Variants in GRID1 observed in about 807,000 individuals in gnomAD.
The protein encoded by GRID1 is glutamate ionotropic receptor delta type subunit 1.
In GRID1, 28 loss-of-function variants were observed where a neutral mutation model predicts 98.0. The ratio of observed to expected loss-of-function variants is 0.29; its 90% CI spans 0.21 to 0.39. The LOEUF is 0.39. Among genes scored for constraint, GRID1 ranks in the 10% least tolerant of loss-of-function variants. The probability of loss-of-function intolerance (pLI) is 1.00; values close to 1 mark genes in which losing one functional copy is unlikely to be tolerated. For synonymous variants in GRID1, 553 were observed against 538.5 expected (o/e 1.03, Z -0.37); for missense variants, 1,111 against 1,340.5 (o/e 0.83, Z 2.67).
chr10:85,900,229 AT>A (rs1841360919), intron 5 of GRID1, among the ~76,000 whole-genome samples: 1 of 152,118 alleles, frequency 6.6e-6, no homozygotes, highest in African/African-American at 2.4e-5. Context: ...CCACGTGTGA[AT>A]GTGTGTGTGT....
At chr10:86,040,612 T>G (rs951016789) in intron 4 of GRID1, among the ~76,000 whole-genome samples, 1 of 151,710 alleles carries the variant, frequency 6.6e-6, no homozygotes, top group Non-Finnish European at 1.5e-5. Context: ...GGGGAGAGGT[T>G]GGCCAATGAG....
chr10:86,269,300 G>A (rs1183280627), intron 2 of GRID1, among the ~76,000 whole-genome samples: 1 of 152,210 alleles, frequency 6.6e-6, no homozygotes, highest in Non-Finnish European at 1.5e-5. Context: ...CCTGGACTGG[G>A]CAGGCTCCAG....
At chr10:85,627,353 G>T (rs1172589523) in intron 13 of GRID1, among the ~76,000 whole-genome samples, 1 of 152,168 alleles carries the variant, frequency 6.6e-6, no homozygotes, top group African/African-American at 2.4e-5. Flanking sequence ...TGTGTGATGT[G>T]CTCAGGATCT....
intron 2 of GRID1, among the ~76,000 whole-genome samples, chr10:86,243,736 T>C (rs1173068913): frequency 1.3e-5 from 2 of 152,162 alleles, no homozygotes; most frequent in Non-Finnish European, 2.9e-5. Flanking sequence ...TTGCCCAAAA[T>C]GCCAGCGCCA....
chr10:85,603,751 C>T lies in GRID1; in HGVS notation c.2602-1050G>A, dbSNP rs79523399. Among the ~76,000 whole-genome samples, 821 of 152,230 alleles carry T rather than the reference C, an allele frequency of 5.4e-3. 6 individuals are homozygous for T. Among genetic ancestry groups the T allele is most frequent in the Non-Finnish European group, 9.1e-3 (616 of 68,014 alleles). On this transcript the variant is annotated intron_variant, in intron 15 of 15. Coordinates refer to ENST00000327946, the MANE Select transcript of GRID1 (RefSeq NM_017551.3). ...TTTGTAAGCAGCATGGGTGCTGATG[C>T]GCCAGGGAATGTGGTGACCTTTCCC...
chr10:86,219,368 T>C (rs1330161980), intron 2 of GRID1, among the ~76,000 whole-genome samples: 1 of 152,132 alleles, frequency 6.6e-6, no homozygotes. Flanking sequence ...AACTGCCCAA[T>C]GGCCCTTAAA....
chr10:85,788,640 T>G (rs1478787256), intron 8 of GRID1, among the ~76,000 whole-genome samples: 8 of 152,240 alleles, frequency 5.3e-5, no homozygotes, highest in Admixed American at 5.2e-4. Flanking sequence ...TCTCGTCATC[T>G]TCTGGGTCAC....
chr10:85,739,728 T>C (rs910457628), intron 8 of GRID1, among the ~76,000 whole-genome samples: 1 of 152,192 alleles, frequency 6.6e-6, no homozygotes, highest in Non-Finnish European at 1.5e-5. Context: ...TGCATCATTG[T>C]AAGGGTTTAG....
At chr10:85,854,262 C>G (rs12414896) in intron 8 of GRID1, among the ~76,000 whole-genome samples, 3,353 of 152,338 alleles carry the variant, frequency 0.022, 71 homozygotes, top group Admixed American at 0.06. Context: ...CCAGGTACCC[C>G]TGCTCTACTC....
At chr10:86,211,240 G>A (rs1391600025) in intron 2 of GRID1, among the ~76,000 whole-genome samples, 1 of 152,216 alleles carries the variant, frequency 6.6e-6, no homozygotes, top group Non-Finnish European at 1.5e-5. Flanking sequence ...CAGCTCTCTA[G>A]AGGATAACAG....
intron 5 of GRID1, among the ~76,000 whole-genome samples, chr10:85,911,378 T>C (rs1280993629): frequency 1.3e-5 from 2 of 152,142 alleles, no homozygotes; most frequent in African/African-American, 2.4e-5. Flanking sequence ...GCTGGATCTC[T>C]GGATCTGGAG....
chr10:85,641,701 A>G (rs1274660433), intron 13 of GRID1, among the ~76,000 whole-genome samples: 1 of 152,252 alleles, frequency 6.6e-6, no homozygotes, highest in Non-Finnish European at 1.5e-5. Context: ...GTATGAATGC[A>G]TGTAAATGAT....
At chr10:86,080,927 T>C (rs528003630) in intron 4 of GRID1, among the ~76,000 whole-genome samples, 112 of 152,238 alleles carry the variant, frequency 7.4e-4, no homozygotes, top group Middle Eastern at 3.4e-3. Flanking sequence ...ATTCCCTCAC[T>C]TCCAACCTGC....
intron 2 of GRID1, among the ~76,000 whole-genome samples, chr10:86,212,855 G>A (rs1026697927): frequency 2.6e-5 from 4 of 152,116 alleles, no homozygotes; most frequent in Admixed American, 1.3e-4. Context: ...GAATAAATAC[G>A]TTTCATCTTT....
chr10:85,799,970 C>T (rs752191837), intron 8 of GRID1, among the ~76,000 whole-genome samples: 6 of 152,010 alleles, frequency 3.9e-5, no homozygotes, highest in African/African-American at 7.2e-5. Flanking sequence ...AAACATCACA[C>T]TGTACCCTAT....
chr10:86,227,533 A>T (rs1250621641), intron 2 of GRID1, among the ~76,000 whole-genome samples: 5 of 152,156 alleles, frequency 3.3e-5, no homozygotes, highest in Non-Finnish European at 7.4e-5. Flanking sequence ...TCACAGAACT[A>T]GCAGCCAGAG....
intron 4 of GRID1, among the ~76,000 whole-genome samples, chr10:86,072,865 C>T (rs1589361458): frequency 6.6e-6 from 1 of 152,386 alleles, no homozygotes; most frequent in South Asian, 2.1e-4. Context: ...CTGTATAGCA[C>T]ACGCTAGTGC....
chr10:86,304,968 C>T (rs1847739603), intron 2 of GRID1, among the ~76,000 whole-genome samples: 1 of 151,916 alleles, frequency 6.6e-6, no homozygotes. Flanking sequence ...GCTATGGGGG[C>T]CAGTTATTTC....
At chr10:86,322,059 A>G (rs1422607530) in intron 2 of GRID1, among the ~76,000 whole-genome samples, 1 of 152,056 alleles carries the variant, frequency 6.6e-6, no homozygotes, top group Non-Finnish European at 1.5e-5. Context: ...GAGAGGGGAG[A>G]GGCTATCACA....
Sources: allele counts gnomAD v4.1 joint callset (sites outside exome capture counted in the v4.1 genomes callset), GRCh38; gene constraint gnomAD v4.1.1; transcripts MANE v1.5; gene names NCBI Gene and HGNC (gene_info 2026-07-23, HGNC 2026-07-21).